The following CACNA2D3 variants were observed in gnomAD, a reference collection of about 807,000 sequenced individuals.
The protein encoded by CACNA2D3 is voltage-dependent calcium channel subunit alpha-2/delta-3.
A neutral mutation model predicts 160.6 loss-of-function variants in CACNA2D3; 60 were observed. The ratio of observed to expected loss-of-function variants is 0.37; its 90% CI spans 0.30 to 0.46. The LOEUF is 0.46. CACNA2D3 is among the 20% of genes least tolerant of loss of function. CACNA2D3 has a pLI of 1.00. For synonymous variants in CACNA2D3, 558 were observed against 492.9 expected, an observed-to-expected ratio of 1.13 and a Z score of -1.75; for missense variants, 1,205 against 1,365.0, an observed-to-expected ratio of 0.88 and a Z score of 1.85.
At chr3:54,632,092 A>G (rs1200152050) in intron 10 of CACNA2D3, 1 of 152,210 alleles carries the variant, frequency 6.6e-6, no homozygotes, top group Non-Finnish European at 1.5e-5. Flanking sequence ...TCAATAAAGA[A>G]AAGTTTTAGA....
chr3:54,475,082 C>G (rs546869697), intron 4 of CACNA2D3, among the ~76,000 whole-genome samples: 1 of 152,300 alleles, frequency 6.6e-6, no homozygotes, highest in South Asian at 2.1e-4. Flanking sequence ...GATTACCTTG[C>G]ACATTGCGTC....
chr3:54,810,488 T>C (rs1279384255), intron 13 of CACNA2D3, among the ~76,000 whole-genome samples: 1 of 152,102 alleles, frequency 6.6e-6, no homozygotes, highest in African/African-American at 2.4e-5. Flanking sequence ...GAATGGAAGA[T>C]TATACATGCA....
In CACNA2D3 at chr3:54,356,384, A is replaced by G. The variant is rs561641078; in HGVS notation, c.322-30331A>G. 3.9e-5 allele frequency among the ~76,000 whole-genome samples: 6 copies of G among 152,330 alleles called. No individual in the cohort carries two copies. The South Asian group carries it at 6.2e-4, about 16-fold the overall frequency. On this transcript the variant is annotated intron_variant, in intron 3 of 37. Coordinates refer to ENST00000474759, the MANE Select transcript of CACNA2D3 (RefSeq NM_018398.3). ...CTTTTTCTCTTTGCTGAGAACTTGCAGAGTTCAGTGCCAAGAGGAGGCCTC... is the reference window on the plus strand; with the variant it reads ...CTTTTTCTCTTTGCTGAGAACTTGCGGAGTTCAGTGCCAAGAGGAGGCCTC...
At chr3:54,137,661 A>G (rs1247197139) in intron 2 of CACNA2D3, among the ~76,000 whole-genome samples, 1 of 152,182 alleles carries the variant, frequency 6.6e-6, no homozygotes, top group African/African-American at 2.4e-5. Context: ...TGTTTCATGA[A>G]ACATCACTTA....
intron 2 of CACNA2D3, among the ~76,000 whole-genome samples, chr3:54,198,178 G>C (rs1359192972): frequency 6.6e-6 from 1 of 152,184 alleles, no homozygotes; most frequent in Non-Finnish European, 1.5e-5. Context: ...CTGTCTTTGT[G>C]TGTCTTGTCT....
At chr3:54,844,670 A>C (rs1474979626) in intron 16 of CACNA2D3, among the ~76,000 whole-genome samples, 2 of 152,140 alleles carry the variant, frequency 1.3e-5, no homozygotes, top group Admixed American at 1.3e-4. Context: ...GGCATGAAAT[A>C]ATCAAAAGTC....
At chr3:54,865,745 G>A (rs192104811) in intron 17 of CACNA2D3, among the ~76,000 whole-genome samples, 1 of 152,188 alleles carries the variant, frequency 6.6e-6, no homozygotes, top group Admixed American at 6.5e-5. Context: ...AGGGGCTGCT[G>A]CATCTCATCA....
At chr3:54,667,201 C>G (rs1417814916) in intron 11 of CACNA2D3, among the ~76,000 whole-genome samples, 1 of 151,652 alleles carries the variant, frequency 6.6e-6, no homozygotes, top group African/African-American at 2.4e-5. Flanking sequence ...ATGAGACATT[C>G]ATGTAAAAAG....
chr3:54,350,981 TGTTTG>T (rs149388687), intron 3 of CACNA2D3, among the ~76,000 whole-genome samples: 2,232 of 43,428 alleles, frequency 0.051, 380 homozygotes, highest in South Asian at 0.068. Context: ...TTTTTTTTTT[TGTTTG>T]TTTTTTTTTT....
chr3:55,018,278 A>T lies in CACNA2D3; in HGVS notation c.2948A>T (p.Lys983Met), dbSNP rs368830181. 5.6e-6 allele frequency: 9 copies of T among 1,612,942 alleles called. No homozygotes were observed. Among genetic ancestry groups the T allele is most frequent in the Non-Finnish European group, 7.6e-6 (9 of 1,179,158 alleles). The change falls in exon 35 of 38, where the codon AAG becomes ATG. Residue 983 changes from lysine (K) to methionine (M), a missense_variant. By Grantham distance (95) the Lys-to-Met change is moderately conservative. Coordinates refer to ENST00000474759, the MANE Select transcript of CACNA2D3 (RefSeq NM_018398.3). ...GCATTCGTCTCTGAGCGCACCATCA[A>T]GGAGACTACAGGGAATATTGCTTGT... is the stretch of plus-strand genomic sequence containing the variant. ...YPAFVSERTI[K>M]ETTGNIACED...
intron 13 of CACNA2D3, among the ~76,000 whole-genome samples, chr3:54,815,924 C>T (rs542382121): frequency 7.2e-5 from 11 of 152,262 alleles, no homozygotes; most frequent in Admixed American, 4.6e-4. Context: ...TAATTCCATT[C>T]CAGATTAGAA....
intron 11 of CACNA2D3, among the ~76,000 whole-genome samples, chr3:54,649,741 C>G (rs554954300): frequency 1.3e-5 from 2 of 152,314 alleles, no homozygotes; most frequent in Admixed American, 6.5e-5. Context: ...AATTACTTCC[C>G]AAAGGCCCCA....
intron 17 of CACNA2D3, among the ~76,000 whole-genome samples, chr3:54,868,818 A>G (rs536395945): frequency 2.0e-5 from 3 of 152,344 alleles, no homozygotes; most frequent in African/African-American, 7.2e-5. Context: ...ATATTAGCCA[A>G]TTTTATTCAA....
At chr3:54,649,613 T>C (rs902682091) in intron 11 of CACNA2D3, among the ~76,000 whole-genome samples, 6 of 152,208 alleles carry the variant, frequency 3.9e-5, no homozygotes, top group Admixed American at 1.3e-4. Flanking sequence ...AACTGCTGCC[T>C]TCTCTTGGTA....
intron 17 of CACNA2D3, among the ~76,000 whole-genome samples, chr3:54,859,584 C>T (rs1395977627): frequency 2.0e-5 from 3 of 152,188 alleles, no homozygotes; most frequent in Non-Finnish European, 4.4e-5. Flanking sequence ...GTGGCCCCCT[C>T]CCTCCATTAT....
intron 29 of CACNA2D3, among the ~76,000 whole-genome samples, chr3:54,975,521 CAAAAAAAAAA>C (rs55819960): frequency 1.3e-5 from 1 of 77,774 alleles, no homozygotes; most frequent in East Asian, 4.0e-4. Flanking sequence ...ACTTGGTCTC[CAAAAAAAAAA>C]AAAAAAAAAA....
intron 13 of CACNA2D3, among the ~76,000 whole-genome samples, chr3:54,807,423 G>T (rs566528291): frequency 6.6e-6 from 1 of 152,044 alleles, no homozygotes; most frequent in Non-Finnish European, 1.5e-5. Context: ...TCAAAAGAAG[G>T]CATTTATGCA....
At chr3:54,918,332 CTT>C (rs533596688) in intron 27 of CACNA2D3, 339 of 227,780 alleles carry the variant, frequency 1.5e-3, no homozygotes, top group Middle Eastern at 4.1e-3. Flanking sequence ...TTTTTTTTTT[CTT>C]TTTTTTTTTT....
At position 55,073,870 on chromosome 3, in the gene CACNA2D3, G is replaced by A; in HGVS notation, c.3183+11G>A. 1.2e-6 allele frequency: 2 copies of A among 1,607,852 alleles called. No individual in the cohort carries two copies. The highest frequency in any genetic ancestry group is 1.7e-6 in the Non-Finnish European group (2 of 1,174,738). ...GGCTTCCATCCTGAGGTAAGTCTGA[G>A]AACTGTTCCTGTTTCCTTTTCCCAT... On this transcript the variant is annotated intron_variant, in intron 37 of 37. Transcript: ENST00000474759.
Sources: allele counts gnomAD v4.1 joint callset (sites outside exome capture counted in the v4.1 genomes callset), GRCh38; gene constraint gnomAD v4.1.1; transcripts MANE v1.5; gene names NCBI Gene and HGNC (gene_info 2026-07-23, HGNC 2026-07-21).